The following RALGAPA1 variants were observed in gnomAD, a reference collection of about 807,000 sequenced individuals.
RALGAPA1 encodes the protein ral GTPase-activating protein subunit alpha-1.
RALGAPA1 carries 52 observed loss-of-function variants against 269.6 expected under a neutral mutation model. The ratio of observed to expected loss-of-function variants is 0.19; its 90% CI spans 0.15 to 0.24. The LOEUF is 0.24. RALGAPA1 is among the 10% of genes least tolerant of loss of function. RALGAPA1 has a pLI of 1.00. For missense variants in RALGAPA1, 1,917 were observed against 3,013.9 expected, an observed-to-expected ratio of 0.64 and a Z score of 8.52; for synonymous variants, 817 against 1,008.3, an observed-to-expected ratio of 0.81 and a Z score of 3.60.
At chr14:35,663,179 A>C (rs1331459237) in intron 27 of RALGAPA1, among the ~76,000 whole-genome samples, 3 of 152,130 alleles carry the variant, frequency 2.0e-5, no homozygotes, top group African/African-American at 7.2e-5. Context: ...GGCATGAGCC[A>C]CCATACCTGG....
At chr14:35,588,399 A>G (rs868246816) in intron 37 of RALGAPA1, among the ~76,000 whole-genome samples, 1 of 152,208 alleles carries the variant, frequency 6.6e-6, no homozygotes, top group Non-Finnish European at 1.5e-5. Context: ...ACAGGAATAA[A>G]CTATCAAGTG....
chr14:35,581,155 CT>C (rs1480364604), intron 37 of RALGAPA1, among the ~76,000 whole-genome samples: 5 of 152,058 alleles, frequency 3.3e-5, no homozygotes. Flanking sequence ...AGACAACTGG[CT>C]TCTACGATTA....
At chr14:35,600,232 CTT>C (rs71124708) in intron 36 of RALGAPA1, among the ~76,000 whole-genome samples, 18 of 86,916 alleles carry the variant, frequency 2.1e-4, no homozygotes, top group African/African-American at 5.2e-4. Flanking sequence ...TTCTTTTTTT[CTT>C]TTTTTTTTTT....
At chr14:35,548,666 C>A in intron 40 of RALGAPA1, 128 bp from the exon 41 acceptor site, 1 of 584,374 alleles carries the variant, frequency 1.7e-6, no homozygotes, top group Non-Finnish European at 3.0e-6. Context: ...CCCTCTTACA[C>A]TCTTTAATTA....
chr14:35,622,003 A>C (rs1026667816), intron 35 of RALGAPA1, among the ~76,000 whole-genome samples: 1 of 152,162 alleles, frequency 6.6e-6, no homozygotes, highest in African/African-American at 2.4e-5. Context: ...ACCCAGCAAT[A>C]CCGTTACTGG....
At chr14:35,715,484 T>C (rs1477264789) in intron 16 of RALGAPA1, among the ~76,000 whole-genome samples, 3 of 152,206 alleles carry the variant, frequency 2.0e-5, no homozygotes, top group Non-Finnish European at 4.4e-5. Context: ...TATTCCATAA[T>C]ATTTATTCCA....
intron 37 of RALGAPA1, among the ~76,000 whole-genome samples, chr14:35,590,799 C>A (rs529896840): frequency 1.3e-5 from 2 of 152,292 alleles, no homozygotes; most frequent in Non-Finnish European, 2.9e-5. Context: ...ATGTTAATAA[C>A]CCTGTTTCAA....
intron 4 of RALGAPA1, among the ~76,000 whole-genome samples, chr14:35,763,778 A>G (rs200501009): frequency 0.015 from 1,608 of 110,516 alleles, 28 homozygotes; most frequent in African/African-American, 0.079. Context: ...CGGGGTGTGT[A>G]TATATATATA....
chr14:35,658,312 T>G (rs1490323868), intron 28 of RALGAPA1, among the ~76,000 whole-genome samples: 1 of 152,200 alleles, frequency 6.6e-6, no homozygotes, highest in Non-Finnish European at 1.5e-5. Flanking sequence ...CTGTACATTA[T>G]TTTCATTTGC....
At chr14:35,718,604 T>A (rs1450221861) in intron 16 of RALGAPA1, among the ~76,000 whole-genome samples, 1 of 151,996 alleles carries the variant, frequency 6.6e-6, no homozygotes, top group African/African-American at 2.4e-5. Context: ...TCACCTAAAG[T>A]CAGGAGTTCG....
intron 33 of RALGAPA1, among the ~76,000 whole-genome samples, chr14:35,631,342 C>A (rs1287351897): frequency 6.6e-6 from 1 of 151,764 alleles, no homozygotes; most frequent in African/African-American, 2.4e-5. Context: ...ACAATGAATT[C>A]AAAATTTATT....
chr14:35,559,818 T>G (rs962315071), intron 39 of RALGAPA1, among the ~76,000 whole-genome samples: 1 of 152,128 alleles, frequency 6.6e-6, no homozygotes, highest in Non-Finnish European at 1.5e-5. Context: ...TGTAATAATG[T>G]GTAAAAACTC....
chr14:35,647,235 T>C (rs954442902), intron 31 of RALGAPA1, among the ~76,000 whole-genome samples: 21 of 152,238 alleles, frequency 1.4e-4, no homozygotes, highest in African/African-American at 4.8e-4. Context: ...AAAAAATCAC[T>C]ATATAAATGT....
Position 35,608,936 on chromosome 14 carries a change from A to G in RALGAPA1, c.6930-3227T>C, listed in dbSNP as rs143673771. ...AACAACTTACAGGATAGACCATAAA[A>G]CAAGCCTTGGCCAGGTGCGATGGCT... On this transcript the variant is annotated intron_variant, in intron 35 of 41. Transcript: ENST00000680220. Among the ~76,000 whole-genome samples the G allele has an allele frequency of 3.3e-4, 50 of 152,262 alleles. 1 individual carries two copies. The highest frequency in any genetic ancestry group is 3.4e-3 in the Middle Eastern group (1 of 294).
At chr14:35,691,990 T>TA (rs1214151356) in intron 17 of RALGAPA1, among the ~76,000 whole-genome samples, 4 of 152,150 alleles carry the variant, frequency 2.6e-5, no homozygotes, top group Non-Finnish European at 5.9e-5. Context: ...TTGATGCACT[T>TA]ATACTCATTA....
chr14:35,707,899 G>A (rs934038745), intron 16 of RALGAPA1, among the ~76,000 whole-genome samples: 1 of 151,858 alleles, frequency 6.6e-6, no homozygotes, highest in Non-Finnish European at 1.5e-5. Context: ...GTAAATAAAA[G>A]GATCACAAAA....
intron 36 of RALGAPA1, among the ~76,000 whole-genome samples, chr14:35,601,894 A>C (rs1047259537): frequency 3.9e-5 from 6 of 152,152 alleles, no homozygotes; most frequent in African/African-American, 1.4e-4. Context: ...GTTAAGTGCA[A>C]TCATCACTAC....
intron 7 of RALGAPA1, among the ~76,000 whole-genome samples, chr14:35,755,653 C>A (rs2073104519): frequency 6.6e-6 from 1 of 152,134 alleles, no homozygotes; most frequent in Non-Finnish European, 1.5e-5. Context: ...TTATTTTATT[C>A]TAAGCACTGT....
At chr14:35,699,688 A>G (rs2067182929) in intron 17 of RALGAPA1, among the ~76,000 whole-genome samples, 1 of 152,132 alleles carries the variant, frequency 6.6e-6, no homozygotes, top group Non-Finnish European at 1.5e-5. Context: ...ACTTTTCCCA[A>G]ATACTGATTA....
Sources: allele counts gnomAD v4.1 joint callset (sites outside exome capture counted in the v4.1 genomes callset), GRCh38; gene constraint gnomAD v4.1.1; transcripts MANE v1.5; gene names NCBI Gene and HGNC (gene_info 2026-07-23, HGNC 2026-07-21).